SLC16A14: variants seen among roughly 807,000 people sequenced by gnomAD.
SLC16A14 encodes solute carrier family 16 member 14, also known as monocarboxylate transporter 14.
Under a neutral mutation model 35.8 loss-of-function variants are expected in SLC16A14, and 14 were observed. The ratio of observed to expected loss-of-function variants is 0.39; its 90% CI spans 0.26 to 0.61. SLC16A14 has a LOEUF of 0.61. Ranked by LOEUF, SLC16A14 falls within the 20% of genes least tolerant of loss-of-function variation. The pLI, the probability that SLC16A14 is intolerant of heterozygous loss-of-function variation, is 0.51. For missense variants in SLC16A14, 533 were observed against 655.0 expected (o/e 0.81, Z 2.03); for synonymous variants, 248 against 258.9 (o/e 0.96, Z 0.40).
At chr2:230,067,534 T>TTCTCTCTCTCTCTCTC (rs145179402) in intron 1 of SLC16A14, among the ~76,000 whole-genome samples, 287 of 128,270 alleles carry the variant, frequency 2.2e-3, no homozygotes, top group African/African-American at 8.6e-3. Context: ...CTCCCCTCTC[T>TTCTCTCTCTCTCTCTC]TCTCTCTCTC....
chr2:230,063,212 G>A (rs2077764674), intron 1 of SLC16A14, among the ~76,000 whole-genome samples: 1 of 149,946 alleles, frequency 6.7e-6, no homozygotes, highest in Non-Finnish European at 1.5e-5. Flanking sequence ...GTTTGAAGCT[G>A]TGGGGGTGAA....
chr2:230,058,753 C>A (rs2077727337), intron 2 of SLC16A14, among the ~76,000 whole-genome samples: 1 of 152,296 alleles, frequency 6.6e-6, no homozygotes, highest in East Asian at 1.9e-4. Flanking sequence ...CTGCTTCAGC[C>A]TCCCGAGTAG....
rs60075593 is a variant in SLC16A14 at position 230,049,052 on chromosome 2, T to TTTATTATTATTATTA, written c.403+694_403+708dup. On this transcript the variant is annotated intron_variant, in intron 3 of 4. Coordinates refer to ENST00000295190, the MANE Select transcript of SLC16A14 (RefSeq NM_152527.5). Reference sequence around the variant, plus strand: ...TCTTTTCTATTTTCACACAGGAGGCTTTATTATTATTATTATTATTATTAT... The same window carrying TTTATTATTATTATTA: ...TCTTTTCTATTTTCACACAGGAGGCTTTATTATTATTATTATTATTATTATTATTATTATTATTAT... 3.5e-3 allele frequency among the ~76,000 whole-genome samples: 494 copies of TTTATTATTATTATTA among 141,596 alleles called. 7 individuals carry two copies. The highest frequency in any genetic ancestry group is 9.5e-3 in the African/African-American group (361 of 38,144). The allele number at this position is 141,596 out of a possible 152,430, so 92.9% of individuals were successfully genotyped here.
At chr2:230,039,984 G>A (rs867520535) in intron 4 of SLC16A14, among the ~76,000 whole-genome samples, 7 of 151,986 alleles carry the variant, frequency 4.6e-5, no homozygotes, top group South Asian at 2.1e-4. Context: ...TCTCTCCCCC[G>A]CTCATCAGCA....
intron 2 of SLC16A14, among the ~76,000 whole-genome samples, chr2:230,058,711 C>T (rs2077727081): frequency 6.6e-6 from 1 of 152,136 alleles, no homozygotes; most frequent in African/African-American, 2.4e-5. Flanking sequence ...CAGCTCACTG[C>T]AACCTCCACC....
At chr2:230,057,598 A>G (rs7420224) in intron 2 of SLC16A14, among the ~76,000 whole-genome samples, 152,038 of 152,054 alleles carry the variant, frequency 1, 76,011 homozygotes, top group Middle Eastern at 1. Flanking sequence ...GAGAAACCCC[A>G]TTTCAAAAGA....
At chr2:230,045,218 G>A (rs1325274864) in intron 4 of SLC16A14, among the ~76,000 whole-genome samples, 4 of 152,278 alleles carry the variant, frequency 2.6e-5, no homozygotes, top group Admixed American at 6.5e-5. Flanking sequence ...TTTATCATGT[G>A]GATAGGATCA....
chr2:230,059,168 A>G lies in SLC16A14; in HGVS notation c.185T>C (p.Leu62Pro). The G allele has an allele frequency of 6.2e-7, 1 of 1,614,206 alleles. No individual in the cohort carries two copies. The highest frequency in any genetic ancestry group is 8.5e-7 in the Non-Finnish European group (1 of 1,180,036). The change falls in exon 2 of 5, where the codon CTG becomes CCG. Residue 62 changes from leucine (L) to proline (P), a missense_variant. Coordinates refer to ENST00000295190, the MANE Select transcript of SLC16A14 (RefSeq NM_152527.5). ...GCCGCGGCTCTGGTGGAATTCTTCC[A>G]GCCATTCCACGTTGAGGACACCCAG... Reference protein sequence around the residue: ...MALGVLNVEWLEEFHQSRGLT... With the variant: ...MALGVLNVEWPEEFHQSRGLT...
intron 2 of SLC16A14, 67 bp downstream of exon 2, chr2:230,059,024 ACAT>A: frequency 6.6e-7 from 1 of 1,510,478 alleles, no homozygotes; most frequent in Non-Finnish European, 8.9e-7. Flanking sequence ...ACAATATAAA[ACAT>A]CACTTACAGT....
intron 2 of SLC16A14, among the ~76,000 whole-genome samples, chr2:230,051,510 G>A (rs993110767): frequency 6.6e-6 from 1 of 152,102 alleles, no homozygotes; most frequent in African/African-American, 2.4e-5. Flanking sequence ...TCCTGATTTT[G>A]TAGTAATTTC....
chr2:230,037,172 T>G lies in SLC16A14; in HGVS notation c.*208A>C. The G allele has an allele frequency of 2.5e-6, 1 of 394,514 alleles. No individual in the cohort carries two copies. The allele number at this position is 394,514 out of a possible 1,614,324, so 24.4% of individuals were successfully genotyped here. ...ACAACACTGTCATCTCTAGAATGTA[T>G]GTAGTCCTTAAGATCTTCCAGCATT... On this transcript the variant is annotated 3_prime_UTR_variant, in exon 5 of 5. Coordinates refer to ENST00000295190, the MANE Select transcript of SLC16A14 (RefSeq NM_152527.5).
chr2:230,055,079 G>A (rs1195172238), intron 2 of SLC16A14, among the ~76,000 whole-genome samples: 4 of 151,956 alleles, frequency 2.6e-5, no homozygotes, highest in African/African-American at 9.7e-5. Flanking sequence ...CAATTTTGGA[G>A]TCCCATGGAC....
intron 2 of SLC16A14, among the ~76,000 whole-genome samples, chr2:230,057,331 C>T (rs1346337982): frequency 6.6e-6 from 1 of 152,162 alleles, no homozygotes. Flanking sequence ...TTTATAATAA[C>T]TTCCCAGGTT....
Position 230,046,237 on chromosome 2 carries a change from A to C in SLC16A14, c.889T>G (p.Phe297Val), listed in dbSNP as rs201647714. 2.5e-6 allele frequency: 4 copies of C among 1,614,214 alleles called. No individual in the cohort carries two copies. Among genetic ancestry groups the C allele is most frequent in the South Asian group, 2.2e-5 (2 of 91,080 alleles). Residue 297 changes from phenylalanine (F) to valine (V), a missense_variant, in exon 4 of 5, where the codon TTC (phenylalanine) becomes GTC (valine). By Grantham distance (50) the Phe-to-Val change is conservative. Coordinates refer to ENST00000295190, the MANE Select transcript of SLC16A14 (RefSeq NM_152527.5). This position sits in a 1 kb window ranked among gnomAD's most constrained non-coding sequence, Gnocchi z 5.0. Reference sequence around the variant, plus strand: ...AAGTAGCCCGAATACCAGTCCTCGAAGCCCTTCCTGACTCTCATGGTGAGC... The same window carrying C: ...AAGTAGCCCGAATACCAGTCCTCGACGCCCTTCCTGACTCTCATGGTGAGC... ...SWLTMRVRKG[F>V]EDWYSGYFGT...
In SLC16A14 at chr2:230,054,320, G is replaced by A. The variant is rs142185892; in HGVS notation, c.260-4416C>T. Among the ~76,000 whole-genome samples, 39 of 152,258 alleles carry A rather than the reference G, an allele frequency of 2.6e-4. No homozygotes were observed. The East Asian group carries it at 7.5e-3, about 29-fold the overall frequency. The stretch of plus-strand genomic sequence containing the variant: ...CACTCTGCCAAAAGAAAAAAATTAA[G>A]CTGAAAGCTGAGTCATGCAAGCAAC... On this transcript the variant is annotated intron_variant, in intron 2 of 4. Transcript: ENST00000295190.
rs369942418 is a variant in SLC16A14 at position 230,045,871 on chromosome 2, T to C, written c.1255A>G (p.Ser419Gly). The C allele has an allele frequency of 8.1e-6, 13 of 1,613,718 alleles. No individual in the cohort carries two copies. The highest frequency in any genetic ancestry group is 4.2e-6 in the Non-Finnish European group (5 of 1,179,858). Reference sequence around the variant, plus strand: ...ACGGGCATTAGGGAGAAATAACCACTGGAAAACCCTATCAGCGCACAGATG... The same window carrying C: ...ACGGGCATTAGGGAGAAATAACCACCGGAAAACCCTATCAGCGCACAGATG... The part of the protein sequence containing the change: ...AVICALIGFS[S>G]GYFSLMPVVT... Residue 419 changes from serine (S) to glycine (G), a missense_variant, in exon 4 of 5, where the codon AGT (serine) becomes GGT (glycine). Physicochemically the swap from Ser to Gly is moderately conservative, Grantham distance 56. Transcript: ENST00000295190.
intron 2 of SLC16A14, among the ~76,000 whole-genome samples, chr2:230,054,169 C>T (rs1577394722): frequency 1.3e-5 from 2 of 152,062 alleles, no homozygotes; most frequent in South Asian, 4.2e-4. Flanking sequence ...TTTAGCAAGT[C>T]ATTTATCTTG....
chr2:230,057,006 T>C (rs368197494), intron 2 of SLC16A14, among the ~76,000 whole-genome samples: 2 of 151,980 alleles, frequency 1.3e-5, no homozygotes, highest in Non-Finnish European at 2.9e-5. Flanking sequence ...CAGACACACA[T>C]TGGCCTGGCA....
rs1367993001 is a variant in SLC16A14 at position 230,046,327 on chromosome 2, A to T, written c.799T>A (p.Cys267Ser). 1.9e-6 allele frequency: 3 copies of T among 1,613,848 alleles called. No individual in the cohort carries two copies. Residue 267 changes from cysteine (C) to serine (S), a missense_variant, in exon 4 of 5, where the codon TGC (cysteine) becomes AGC (serine). Cys to Ser is a moderately radical substitution (Grantham distance 112, BLOSUM62 -1). Transcript: ENST00000295190. This position sits in a 1 kb window ranked among gnomAD's most constrained non-coding sequence, Gnocchi z 5.0. ...ETLCDLQAQE[C>S]PDQAGHRKNM... ...TTCCTGTGCCCGGCCTGATCGGGGC[A>T]CTCCTGGGCTTGCAGGTCGCAGAGG... is the stretch of plus-strand genomic sequence containing the variant.
Sources: allele counts gnomAD v4.1 joint callset (sites outside exome capture counted in the v4.1 genomes callset), GRCh38; gene constraint gnomAD v4.1.1; non-coding constraint Gnocchi (gnomAD v3.1); transcripts MANE v1.5; gene names NCBI Gene and HGNC (gene_info 2026-07-23, HGNC 2026-07-21).